AKAP13: variants seen among roughly 807,000 people sequenced by gnomAD.
The protein encoded by AKAP13 is A-kinase anchor protein 13.
AKAP13 carries 80 observed loss-of-function variants against 264.5 expected under a neutral mutation model. The observed-to-expected ratio is 0.30, with a 90% CI of 0.25 to 0.36. The LOEUF is 0.36. Ranked by LOEUF, AKAP13 falls within the 10% of genes least tolerant of loss-of-function variation. The probability of loss-of-function intolerance (pLI) is 1.00; values close to 1 mark genes in which losing one functional copy is unlikely to be tolerated. For missense variants in AKAP13, 3,712 were observed against 3,435.2 expected, an observed-to-expected ratio of 1.08 and a Z score of -2.01; for synonymous variants, 1,380 against 1,250.2, an observed-to-expected ratio of 1.10 and a Z score of -2.19.
chr15:85,736,743 C>G (rs535886521), intron 33 of AKAP13, among the ~76,000 whole-genome samples: 1 of 152,004 alleles, frequency 6.6e-6, no homozygotes, highest in African/African-American at 2.4e-5. Context: ...CTGTGAAATC[C>G]CTGTGGTGGT....
intron 14 of AKAP13, among the ~76,000 whole-genome samples, chr15:85,677,899 C>T (rs553164571): frequency 5.9e-5 from 9 of 152,230 alleles, no homozygotes; most frequent in South Asian, 2.1e-4. Context: ...CCGCCTGCCT[C>T]GGCCTCCCAA....
chr15:85,407,376 C>A (rs529766906), intron 1 of AKAP13, among the ~76,000 whole-genome samples: 1 of 151,364 alleles, frequency 6.6e-6, no homozygotes, highest in African/African-American at 2.5e-5. Context: ...TACAGGCATG[C>A]GCTGCCATGC....
intron 1 of AKAP13, among the ~76,000 whole-genome samples, chr15:85,387,447 C>T (rs750577020): frequency 9.9e-5 from 15 of 152,188 alleles, no homozygotes; most frequent in Non-Finnish European, 2.2e-4. Flanking sequence ...TCTCCCACGT[C>T]AGCCTCCCAA....
At chr15:85,638,666 T>G (rs1489899021) in intron 8 of AKAP13, among the ~76,000 whole-genome samples, 1 of 152,080 alleles carries the variant, frequency 6.6e-6, no homozygotes, top group East Asian at 1.9e-4. Flanking sequence ...TTTTTTTAAT[T>G]TGTGGGGAAG....
intron 1 of AKAP13, among the ~76,000 whole-genome samples, chr15:85,445,374 A>G (rs2150966093): frequency 6.6e-6 from 1 of 152,344 alleles, no homozygotes; most frequent in Non-Finnish European, 1.5e-5. Context: ...GCCCAGAGAA[A>G]ACTGACTGAT....
In AKAP13 at chr15:85,715,863, A is replaced by G. The variant is rs144526341; in HGVS notation, c.5675A>G (p.Asn1892Ser). Reference sequence around the variant, plus strand: ...ACCGCTACCACCCCAATATTTGCCAATAGACGATCCCAGCAGAGTGTCTCG... The same window carrying G: ...ACCGCTACCACCCCAATATTTGCCAGTAGACGATCCCAGCAGAGTGTCTCG... ...DETATTPIFA[N>S]RRSQQSVSLS... The change falls in exon 20 of 37, where the codon AAT (asparagine) becomes AGT (serine). Residue 1892 changes from asparagine to serine, a missense_variant. By Grantham distance (46) the Asn-to-Ser change is conservative. Around this residue, in one of 3 missense-constraint regions of AKAP13, gnomAD observed 2,759 missense variants for 2,411.7 expected, o/e 1.14. Transcript: ENST00000394518. 129 of 1,613,542 alleles carry G rather than the reference A, an allele frequency of 8.0e-5. No individual in the cohort carries two copies. The highest frequency in any genetic ancestry group is 2.1e-4 in the African/African-American group (16 of 74,768).
At chr15:85,465,571 A>ACCTAT (rs2074704036) in intron 1 of AKAP13, among the ~76,000 whole-genome samples, 1 of 139,908 alleles carries the variant, frequency 7.1e-6, no homozygotes, top group Non-Finnish European at 1.5e-5. Context: ...CTCATTGTTC[A>ACCTAT]GTTCCCACCT....
intron 8 of AKAP13, among the ~76,000 whole-genome samples, chr15:85,587,296 T>C (rs1031210642): frequency 3.3e-5 from 5 of 152,244 alleles, no homozygotes; most frequent in Admixed American, 6.5e-5. Context: ...ATGTAAATGG[T>C]ATAACACAAT....
intron 14 of AKAP13, among the ~76,000 whole-genome samples, chr15:85,670,189 C>T (rs188077706): frequency 1.8e-4 from 27 of 152,186 alleles, no homozygotes; most frequent in African/African-American, 5.8e-4. Context: ...GTATTCTTCA[C>T]GTCCAGTCCT....
intron 30 of AKAP13, among the ~76,000 whole-genome samples, chr15:85,732,406 G>A (rs1176760956): frequency 1.3e-5 from 2 of 151,056 alleles, no homozygotes; most frequent in Non-Finnish European, 2.9e-5. Context: ...CTTTTCAGTG[G>A]ACAGAGCTTG....
intron 1 of AKAP13, among the ~76,000 whole-genome samples, chr15:85,442,409 CAAAAA>C (rs756585021): frequency 3.8e-5 from 2 of 52,754 alleles, no homozygotes; most frequent in African/African-American, 5.3e-5. Flanking sequence ...GATTCTGTCT[CAAAAA>C]AAAAAAAAAA....
At chr15:85,635,701 A>G (rs1379391106) in intron 8 of AKAP13, among the ~76,000 whole-genome samples, 1 of 152,126 alleles carries the variant, frequency 6.6e-6, no homozygotes, top group Non-Finnish European at 1.5e-5. Context: ...GAACATTTAG[A>G]TATATAAAGT....
rs563850222 is a variant in AKAP13, at chr15:85,482,598, G to C, written c.-11-3112G>C. Among the ~76,000 whole-genome samples the C allele has an allele frequency of 2.1e-4, 32 of 152,206 alleles. No homozygotes were observed. The South Asian group carries it at 4.2e-3, about 20-fold the overall frequency. ...TTAGCAGGAGATCCTCTTACGATGT[G>C]GGGGGAAAAACACACGTTTTAACGT... On this transcript the variant is annotated intron_variant, in intron 1 of 36. Coordinates refer to ENST00000394518, the MANE Select transcript of AKAP13 (RefSeq NM_007200.5).
intron 1 of AKAP13, among the ~76,000 whole-genome samples, chr15:85,442,558 C>G (rs1337486142): frequency 8.0e-6 from 1 of 125,694 alleles, no homozygotes; most frequent in South Asian, 2.3e-4. Flanking sequence ...ATATTTATTT[C>G]TAGCATGAGA....
chr15:85,504,418 G>C (rs559344701), intron 2 of AKAP13, among the ~76,000 whole-genome samples: 1 of 143,554 alleles, frequency 7.0e-6, no homozygotes, highest in South Asian at 2.3e-4. Context: ...GGTAATCCCA[G>C]CACTTTGGGA....
At chr15:85,444,328 A>G (rs1271782613) in intron 1 of AKAP13, among the ~76,000 whole-genome samples, 1 of 152,198 alleles carries the variant, frequency 6.6e-6, no homozygotes, top group Non-Finnish European at 1.5e-5. Flanking sequence ...AAAACAATGA[A>G]AGGTGGCCCC....
rs184452319 is a variant in AKAP13, at chr15:85,734,238, C to A, written c.7283-754C>A. Among the ~76,000 whole-genome samples the A allele has an allele frequency of 6.6e-5, 10 of 152,296 alleles. No individual in the cohort carries two copies. In the East Asian group the frequency reaches 1.9e-3, roughly 29 times the overall value. On this transcript the variant is annotated intron_variant, in intron 30 of 36. Transcript: ENST00000394518. ...GAAGTTAGACCCTGTGTTCTCCCCA[C>A]CATCACTCCCTGTTCTTAACTTTAT...
chr15:85,607,074 T>C (rs1024495836), intron 8 of AKAP13, among the ~76,000 whole-genome samples: 1 of 151,898 alleles, frequency 6.6e-6, no homozygotes, highest in African/African-American at 2.4e-5. Context: ...TTTCTTTTTT[T>C]TTTTTTGAGA....
chr15:85,401,152 G>A (rs1384898150), intron 1 of AKAP13, among the ~76,000 whole-genome samples: 1 of 152,036 alleles, frequency 6.6e-6, no homozygotes, highest in East Asian at 1.9e-4. Flanking sequence ...ACGAGCCACT[G>A]TGCCCGGCAT....
Sources: allele counts gnomAD v4.1 joint callset (sites outside exome capture counted in the v4.1 genomes callset), GRCh38; gene constraint gnomAD v4.1.1; regional missense constraint gnomAD v4.1.1; transcripts MANE v1.5; gene names NCBI Gene and HGNC (gene_info 2026-07-23, HGNC 2026-07-21).